The following DTNB variants were observed in gnomAD, a reference collection of about 807,000 sequenced individuals.
DTNB encodes dystrobrevin beta.
In DTNB, 63 loss-of-function variants were observed where a neutral mutation model predicts 90.7. The observed-to-expected ratio is 0.69, with a 90% confidence interval of 0.57 to 0.86. The LOEUF (loss-of-function observed/expected upper bound fraction) is 0.86. DTNB is among the 40% of genes least tolerant of loss of function. The pLI, the probability that DTNB is intolerant of heterozygous loss-of-function variation, is 0.00. For synonymous variants in DTNB, 277 were observed against 286.7 expected (o/e 0.97, Z 0.34); for missense variants, 744 against 807.1 (o/e 0.92, Z 0.95).
In DTNB at chr2:25,567,886, C is replaced by T. The variant is rs191443544; in HGVS notation, c.876+8952G>A. 7.5e-4 allele frequency among the ~76,000 whole-genome samples: 114 copies of T among 152,310 alleles called. 2 individuals are homozygous for T. In the South Asian group the frequency reaches 0.019, roughly 26 times the overall value. ...CAAGAAAGGCTGAATGAAGGCTGGG[C>T]GCGGTGGCTGACGCCTGTAATCCCA... On this transcript the variant is annotated intron_variant, in intron 8 of 20. Coordinates refer to ENST00000406818, the MANE Select transcript of DTNB (RefSeq NM_021907.5).
intron 3 of DTNB, among the ~76,000 whole-genome samples, chr2:25,630,717 G>A (rs886161567): frequency 6.6e-6 from 1 of 151,766 alleles, no homozygotes; most frequent in African/African-American, 2.4e-5. Context: ...GGTGGCACAC[G>A]CCTGTAATCC....
chr2:25,605,122 T>C (rs1559202690), intron 5 of DTNB, among the ~76,000 whole-genome samples: 1 of 152,260 alleles, frequency 6.6e-6, no homozygotes. Flanking sequence ...ATTTTACTTA[T>C]GTTGAACATC....
chr2:25,578,824 T>C lies in DTNB; in HGVS notation c.710-1820A>G, dbSNP rs888604399. Reference sequence around the variant, plus strand: ...TTAAGTGAATATTTCTCCTTATGCATAGTAATGTCAATATAATTCATGATG... The same window carrying C: ...TTAAGTGAATATTTCTCCTTATGCACAGTAATGTCAATATAATTCATGATG... On this transcript the variant is annotated intron_variant, in intron 7 of 20. Coordinates refer to ENST00000406818, the MANE Select transcript of DTNB (RefSeq NM_021907.5). Among the ~76,000 whole-genome samples the C allele has an allele frequency of 5.9e-5, 9 of 152,240 alleles. No individual in the cohort carries two copies. In the East Asian group the frequency reaches 1.7e-3, roughly 29 times the overall value.
At chr2:25,533,370 AC>A (rs2078651298) in intron 8 of DTNB, among the ~76,000 whole-genome samples, 1 of 152,184 alleles carries the variant, frequency 6.6e-6, no homozygotes, top group South Asian at 2.1e-4. Flanking sequence ...TCTAGATGTA[AC>A]CTAATTTCCT....
chr2:25,437,364 C>T lies in DTNB; in HGVS notation c.1258-3369G>A, dbSNP rs563960889. The stretch of plus-strand genomic sequence containing the variant: ...GCAGCCTCCGCCTCCTGGGTTCAAG[C>T]GATTTTCCTGCCTCAGCCTCCTGAG... On this transcript the variant is annotated intron_variant, in intron 12 of 20. Coordinates refer to ENST00000406818, the MANE Select transcript of DTNB (RefSeq NM_021907.5). Among the ~76,000 whole-genome samples the T allele has an allele frequency of 4.1e-4, 62 of 151,886 alleles. No individual in the cohort carries two copies. The South Asian group carries it at 0.011, about 28-fold the overall frequency.
intron 12 of DTNB, among the ~76,000 whole-genome samples, chr2:25,448,982 A>G (rs2058851131): frequency 6.6e-6 from 1 of 152,156 alleles, no homozygotes; most frequent in Non-Finnish European, 1.5e-5. Context: ...TCTCTCTTCA[A>G]TATTTCCATT....
At chr2:25,553,009 C>T (rs1443250360) in intron 8 of DTNB, among the ~76,000 whole-genome samples, 5 of 150,770 alleles carry the variant, frequency 3.3e-5, no homozygotes, top group Admixed American at 1.3e-4. Context: ...TACAGGCGCC[C>T]GCCACCACGC....
chr2:25,388,619 TGGCACAGA>T, intron 16 of DTNB: 1 of 454,342 alleles, frequency 2.2e-6, no homozygotes, highest in Non-Finnish European at 3.9e-6. Context: ...AAGAAGAGGC[TGGCACAGA>T]GTGGTGGAGA....
chr2:25,661,304 A>T (rs2083129405), intron 1 of DTNB, among the ~76,000 whole-genome samples: 1 of 152,248 alleles, frequency 6.6e-6, no homozygotes, highest in African/African-American at 2.4e-5. Flanking sequence ...TATAACCAAC[A>T]ACTGGTATCC....
rs573866448 is a variant in DTNB at position 25,576,778 on chromosome 2, TGCTG to T, written c.876+56_876+59del. 1.6e-4 allele frequency: 243 copies of T among 1,496,866 alleles called. No individual in the cohort carries two copies. The African/African-American group carries it at 3.0e-3, about 19-fold the overall frequency. The allele number at this position is 1,496,866 out of a possible 1,614,324, so 92.7% of individuals were successfully genotyped here. A position where few individuals can be genotyped will look rare whatever the true frequency, so the allele number is the denominator to read the frequency against. On this transcript the variant is annotated intron_variant, in intron 8 of 20. Transcript: ENST00000406818. ...GCATCCATGAGGAAACTGGCCCAGG[TGCTG>T]TTACTGATCAAACAGATTAACACTC...
At chr2:25,651,334 G>A (rs1365898622) in intron 2 of DTNB, among the ~76,000 whole-genome samples, 1 of 152,206 alleles carries the variant, frequency 6.6e-6, no homozygotes, top group Non-Finnish European at 1.5e-5. Context: ...AGGAAGTGAG[G>A]CAGCCAAGAT....
At chr2:25,610,082 T>G (rs1278300394) in intron 4 of DTNB, among the ~76,000 whole-genome samples, 1 of 152,080 alleles carries the variant, frequency 6.6e-6, no homozygotes, top group Non-Finnish European at 1.5e-5. Context: ...GTGTGAAGTC[T>G]GACTTAGGTG....
At chr2:25,663,771 A>G (rs2083759964) in intron 1 of DTNB, among the ~76,000 whole-genome samples, 1 of 152,218 alleles carries the variant, frequency 6.6e-6, no homozygotes, top group Non-Finnish European at 1.5e-5. Flanking sequence ...ATCTTCAGCA[A>G]CGTGTTCTAC....
At chr2:25,524,777 C>T (rs2076785493) in intron 9 of DTNB, among the ~76,000 whole-genome samples, 1 of 152,168 alleles carries the variant, frequency 6.6e-6, no homozygotes, top group African/African-American at 2.4e-5. Context: ...ACCATCGAAC[C>T]ACTGCCCAGG....
At chr2:25,577,210 A>G (rs113366499) in intron 7 of DTNB, among the ~76,000 whole-genome samples, 11,669 of 152,158 alleles carry the variant, frequency 0.077, 1,436 homozygotes, top group African/African-American at 0.26. Flanking sequence ...TGAGGTGGGC[A>G]GATCACTTGA....
In DTNB at chr2:25,388,269, G is replaced by C; in HGVS notation, c.1668C>G (p.Thr556=). The change falls in exon 17 of 21, where the codon ACC becomes ACG. Residue 556 remains threonine (T), a synonymous_variant. Coordinates refer to ENST00000406818, the MANE Select transcript of DTNB (RefSeq NM_021907.5). ...GCGAGTCCTGCGGACAGTGGGTGGG[G>C]GTGGAGCCGGCAGACGTGGAGCGCA... ...MPVRSTSAGS[T]PTHCPQDSLS... 6.2e-7 allele frequency: 1 copy of C among 1,610,578 alleles called. No homozygotes were observed. Among genetic ancestry groups the C allele is most frequent in the South Asian group, 1.1e-5 (1 of 90,262 alleles).
intron 6 of DTNB, among the ~76,000 whole-genome samples, chr2:25,589,003 G>A (rs2062986604): frequency 6.6e-6 from 1 of 152,156 alleles, no homozygotes; most frequent in Non-Finnish European, 1.5e-5. Context: ...GGCAATGCTT[G>A]CCAAACTCTA....
At chr2:25,458,408 A>T (rs2060385071) in intron 10 of DTNB, among the ~76,000 whole-genome samples, 1 of 151,904 alleles carries the variant, frequency 6.6e-6, no homozygotes, top group Non-Finnish European at 1.5e-5. Flanking sequence ...AGAAATCAAC[A>T]GTTAAAAAAA....
intron 10 of DTNB, among the ~76,000 whole-genome samples, chr2:25,461,309 A>G (rs1458592274): frequency 6.6e-6 from 1 of 152,240 alleles, no homozygotes; most frequent in African/African-American, 2.4e-5. Context: ...TTAAATGACC[A>G]TGAATTTTCT....
Sources: gnomAD v4.1 joint callset for allele counts (sites outside exome capture counted in the v4.1 genomes callset) on GRCh38, gnomAD v4.1.1 for gene constraint, MANE v1.5 for transcripts, NCBI Gene and HGNC (gene_info 2026-07-23, HGNC 2026-07-21) for gene names.